SLC41A2: variants seen among roughly 807,000 people sequenced by gnomAD.
SLC41A2 encodes the protein SLC41A1-like 1.
In SLC41A2, 32 loss-of-function variants were observed where a neutral mutation model predicts 58.3. The observed-to-expected ratio is 0.55, with a 90% CI of 0.41 to 0.74. SLC41A2 has a LOEUF of 0.74. SLC41A2 is among the 30% of genes least tolerant of loss of function. SLC41A2 has a pLI of 0.00. For missense variants in SLC41A2, 514 were observed against 680.6 expected (o/e 0.76, Z 2.72); for synonymous variants, 190 against 235.0 (o/e 0.81, Z 1.75).
At chr12:104,943,069 T>G (rs796328210) in intron 1 of SLC41A2, among the ~76,000 whole-genome samples, 2 of 152,096 alleles carry the variant, frequency 1.3e-5, no homozygotes, top group South Asian at 4.1e-4. Context: ...AAATACACAC[T>G]TGACTTTGTA....
chr12:104,889,210 T>G (rs1317404331), intron 4 of SLC41A2, 33 bp from the exon 5 acceptor site: 1 of 1,586,450 alleles, frequency 6.3e-7, no homozygotes, highest in African/African-American at 1.4e-5. Flanking sequence ...AACTGAATTA[T>G]TCACTTTAAA....
intron 3 of SLC41A2, among the ~76,000 whole-genome samples, chr12:104,907,174 T>C (rs2045889685): frequency 6.6e-6 from 1 of 151,806 alleles, no homozygotes; most frequent in Non-Finnish European, 1.5e-5. Context: ...CTGGCCAGTA[T>C]GTCACTCGTT....
At chr12:104,946,368 G>A (rs547247524) in intron 1 of SLC41A2, among the ~76,000 whole-genome samples, 2 of 152,224 alleles carry the variant, frequency 1.3e-5, no homozygotes, top group South Asian at 2.1e-4. Flanking sequence ...GAACTCCTGG[G>A]CTCAAGCAAT....
chr12:104,916,594 CA>C (rs1330960183), intron 2 of SLC41A2, among the ~76,000 whole-genome samples: 1 of 152,034 alleles, frequency 6.6e-6, no homozygotes, highest in Non-Finnish European at 1.5e-5. Context: ...CTACAGTAAC[CA>C]AAACAGCATG....
chr12:104,871,269 T>C (rs2043758949), intron 6 of SLC41A2, among the ~76,000 whole-genome samples: 1 of 152,224 alleles, frequency 6.6e-6, no homozygotes, highest in Non-Finnish European at 1.5e-5. Flanking sequence ...GCCATGCAGT[T>C]ATAAATATGT....
intron 10 of SLC41A2, among the ~76,000 whole-genome samples, chr12:104,817,593 C>A (rs1701373920): frequency 1.3e-5 from 2 of 151,108 alleles, no homozygotes; most frequent in Non-Finnish European, 3.0e-5. Flanking sequence ...TTTGCCTCTC[C>A]TCTTTTTTTT....
rs532583169 is a variant in SLC41A2 at position 104,882,221 on chromosome 12, A to G, written c.1027+4072T>C. Among the ~76,000 whole-genome samples, 464 of 152,046 alleles carry G rather than the reference A, an allele frequency of 3.1e-3. 2 individuals are homozygous for G. The highest frequency in any genetic ancestry group is 0.01 in the African/African-American group (434 of 41,454). ...TGAGCCTATGCATGTCTCTGCACAT[A>G]AGATGGGTCTCCTGAATACAGCACA... On this transcript the variant is annotated intron_variant, in intron 6 of 10. Coordinates refer to ENST00000258538, the MANE Select transcript of SLC41A2 (RefSeq NM_001352171.3).
intron 6 of SLC41A2, among the ~76,000 whole-genome samples, chr12:104,882,990 C>T (rs1276549163): frequency 6.6e-6 from 1 of 151,692 alleles, no homozygotes; most frequent in Admixed American, 6.6e-5. Context: ...TCACATAGTC[C>T]CATATTTCTT....
At chr12:104,901,503 C>G (rs144964655) in intron 3 of SLC41A2, among the ~76,000 whole-genome samples, 2 of 151,962 alleles carry the variant, frequency 1.3e-5, no homozygotes, top group Non-Finnish European at 2.9e-5. Flanking sequence ...TTGGATACAT[C>G]ATTTTTTAAT....
At chr12:104,875,252 T>C (rs1263874818) in intron 6 of SLC41A2, among the ~76,000 whole-genome samples, 2 of 152,224 alleles carry the variant, frequency 1.3e-5, no homozygotes, top group African/African-American at 4.8e-5. Context: ...TCAGAAATAT[T>C]AGCCTATAGT....
Position 104,882,074 on chromosome 12 carries a change from T to C in SLC41A2, c.1027+4219A>G, listed in dbSNP as rs141107084. 9.8e-3 allele frequency among the ~76,000 whole-genome samples: 1,484 copies of C among 152,148 alleles called. 22 individuals carry two copies. Among genetic ancestry groups the C allele is most frequent in the African/African-American group, 0.034 (1,396 of 41,504 alleles). On this transcript the variant is annotated intron_variant, in intron 6 of 10. Coordinates refer to ENST00000258538, the MANE Select transcript of SLC41A2 (RefSeq NM_001352171.3). ...GATCCCTTTACCATTATGTAATGGC[T>C]TTCTTTGTCTCTTTTGATTTTTGTT...
At chr12:104,950,303 C>T (rs2047902993) in intron 1 of SLC41A2, among the ~76,000 whole-genome samples, 1 of 152,114 alleles carries the variant, frequency 6.6e-6, no homozygotes, top group Non-Finnish European at 1.5e-5. Flanking sequence ...TGGATTCCCC[C>T]ACGCTGTTCT....
intron 8 of SLC41A2, among the ~76,000 whole-genome samples, chr12:104,847,057 C>T (rs193291163): frequency 2.6e-5 from 4 of 151,778 alleles, no homozygotes; most frequent in African/African-American, 9.7e-5. Context: ...AGAGATGAAT[C>T]GGGTGTTGAA....
At chr12:104,901,974 A>T (rs566570370) in intron 3 of SLC41A2, among the ~76,000 whole-genome samples, 1 of 152,202 alleles carries the variant, frequency 6.6e-6, no homozygotes, top group Non-Finnish European at 1.5e-5. Flanking sequence ...TCTCCCTCAG[A>T]TAATCATAAA....
chr12:104,939,595 C>T (rs554806886), intron 1 of SLC41A2, among the ~76,000 whole-genome samples: 4 of 152,262 alleles, frequency 2.6e-5, no homozygotes, highest in African/African-American at 7.2e-5. Context: ...CTCTGCCTAT[C>T]GTACTGAAAG....
intron 8 of SLC41A2, among the ~76,000 whole-genome samples, chr12:104,847,518 T>A (rs2042645147): frequency 6.7e-6 from 1 of 148,640 alleles, no homozygotes; most frequent in Non-Finnish European, 1.5e-5. Context: ...GGCAGGCGAA[T>A]CACTTGAACC....
At chr12:104,947,196 T>C (rs2047755351) in intron 1 of SLC41A2, among the ~76,000 whole-genome samples, 1 of 126,782 alleles carries the variant, frequency 7.9e-6, no homozygotes, top group Non-Finnish European at 1.6e-5. Context: ...ATTTTTGTCC[T>C]TTTTTTTTTT....
intron 8 of SLC41A2, among the ~76,000 whole-genome samples, chr12:104,855,939 A>G (rs1161097731): frequency 6.6e-6 from 1 of 152,190 alleles, no homozygotes; most frequent in Non-Finnish European, 1.5e-5. Context: ...AATTTAAAGT[A>G]TGGATCTAGA....
intron 5 of SLC41A2, among the ~76,000 whole-genome samples, chr12:104,888,806 G>C (rs1399484701): frequency 6.6e-6 from 1 of 152,082 alleles, no homozygotes; most frequent in African/African-American, 2.4e-5. Flanking sequence ...AACTATAACG[G>C]AGTATCCAAG....
Sources: allele counts gnomAD v4.1 joint callset (sites outside exome capture counted in the v4.1 genomes callset), GRCh38; gene constraint gnomAD v4.1.1; transcripts MANE v1.5; gene names NCBI Gene and HGNC (gene_info 2026-07-23, HGNC 2026-07-21).